Variants in GALNT9 observed in about 807,000 individuals in gnomAD.
GALNT9 encodes polypeptide N-acetylgalactosaminyltransferase 9.
A neutral mutation model predicts 63.1 loss-of-function variants in GALNT9; 47 were observed. That is an observed-to-expected ratio of 0.75 (90% CI 0.59 to 0.95). The LOEUF is 0.95. Ranked by LOEUF, GALNT9 falls within the 40% of genes least tolerant of loss-of-function variation. The pLI is 0.00. For synonymous variants in GALNT9, 396 were observed against 365.7 expected, an observed-to-expected ratio of 1.08 and a Z score of -0.94; for missense variants, 829 against 874.8, an observed-to-expected ratio of 0.95 and a Z score of 0.66.
intron 1 of GALNT9, among the ~76,000 whole-genome samples, chr12:132,320,497 T>C (rs1868734709): frequency 6.6e-6 from 1 of 152,254 alleles, no homozygotes; most frequent in Non-Finnish European, 1.5e-5. Flanking sequence ...ATTCGTTTCT[T>C]AAATAAGTGA....
intron 6 of GALNT9, among the ~76,000 whole-genome samples, chr12:132,223,031 T>TAC (rs1877527189): frequency 8.1e-5 from 1 of 12,276 alleles, no homozygotes; most frequent in African/African-American, 3.1e-4. Flanking sequence ...ACACAACCCG[T>TAC]ACCCCACACA....
intron 6 of GALNT9, 103 bp downstream of exon 6, chr12:132,247,807 C>T (rs368639673): frequency 6.7e-7 from 1 of 1,495,006 alleles, no homozygotes; most frequent in South Asian, 1.2e-5. Context: ...CTCGCCCTCA[C>T]CCCGTCCCCG....
In GALNT9 at chr12:132,252,048, G is replaced by A. The variant is rs557932321; in HGVS notation, c.960-4021C>T. ...TTAACTGGGATCCCAGGAATCCTCCGTGATGAGGATGGTCCCCAGCGTCTG... is the reference window on the plus strand; with the variant it reads ...TTAACTGGGATCCCAGGAATCCTCCATGATGAGGATGGTCCCCAGCGTCTG... On this transcript the variant is annotated intron_variant, in intron 5 of 10. Coordinates refer to ENST00000328957, the MANE Select transcript of GALNT9 (RefSeq NM_001122636.2). The surrounding 1 kb of genome is among the most constrained non-coding windows in gnomAD (Gnocchi z 5.2). 1.4e-4 allele frequency among the ~76,000 whole-genome samples: 21 copies of A among 152,358 alleles called. No homozygotes were observed. The South Asian group carries it at 4.3e-3, about 32-fold the overall frequency.
intron 2 of GALNT9, among the ~76,000 whole-genome samples, chr12:132,267,833 ACACATGCATACAACC>A (rs1879686817): frequency 4.7e-5 from 7 of 149,748 alleles, no homozygotes; most frequent in African/African-American, 1.7e-4. Flanking sequence ...ATGCAGTCAC[ACACATGCATACAACC>A]CACATGCACA....
At chr12:132,230,440 G>A (rs1877847621) in intron 6 of GALNT9, among the ~76,000 whole-genome samples, 2 of 152,234 alleles carry the variant, frequency 1.3e-5, no homozygotes, top group South Asian at 4.1e-4. Flanking sequence ...ACGGGCACCT[G>A]GCGTTCGCTG....
chr12:132,211,905 T>C (rs1284610225), intron 6 of GALNT9, among the ~76,000 whole-genome samples: 1 of 152,242 alleles, frequency 6.6e-6, no homozygotes, highest in Non-Finnish European at 1.5e-5. Context: ...CTGTGGCCCA[T>C]GTGACGGTTT....
chr12:132,260,601 C>T (rs1879339164), intron 4 of GALNT9, among the ~76,000 whole-genome samples: 1 of 152,226 alleles, frequency 6.6e-6, no homozygotes, highest in South Asian at 2.1e-4. Flanking sequence ...ACACACGGTA[C>T]CCGAGCCTGC....
At chr12:132,204,883 A>T (rs373922403) in intron 6 of GALNT9, among the ~76,000 whole-genome samples, 67 of 152,130 alleles carry the variant, frequency 4.4e-4, no homozygotes, top group African/African-American at 1.6e-3. Context: ...TGAGCCTGCC[A>T]TGCTGGACGA....
chr12:132,250,446 C>T (rs1878869654), intron 5 of GALNT9, among the ~76,000 whole-genome samples: 2 of 152,302 alleles, frequency 1.3e-5, no homozygotes, highest in Non-Finnish European at 1.5e-5. Context: ...ATATGAGTTT[C>T]ACCAATGGCC....
Position 132,310,895 on chromosome 12 carries a change from C to T in GALNT9, c.238+18071G>A, listed in dbSNP as rs28482032. Among the ~76,000 whole-genome samples the T allele has an allele frequency of 0.015, 2,221 of 152,256 alleles. 50 individuals carry two copies. Among genetic ancestry groups the T allele is most frequent in the African/African-American group, 0.05 (2,070 of 41,536 alleles). ...TTTTGGAGCCTCCGCCTGTCCACAG[C>T]CATCCTTCAGGGCACCCACTCTCCC... On this transcript the variant is annotated intron_variant, in intron 1 of 10. Transcript: ENST00000328957. The surrounding 1 kb of genome is among the most constrained non-coding windows in gnomAD (Gnocchi z 4.8).
At chr12:132,218,032 C>G (rs530131708) in intron 6 of GALNT9, among the ~76,000 whole-genome samples, 1 of 151,420 alleles carries the variant, frequency 6.6e-6, no homozygotes, top group South Asian at 2.1e-4. Context: ...ATCTATCCAT[C>G]CTCCCACCCA....
chr12:132,260,888 GA>G, intron 4 of GALNT9, 59 bp downstream of exon 4: 1 of 1,459,996 alleles, frequency 6.8e-7, no homozygotes. Flanking sequence ...GGCGGCTTAG[GA>G]GGGGGATGGT....
Position 132,203,494 on chromosome 12 carries a change from G to C in GALNT9, c.1263+11C>G, listed in dbSNP as rs563297228. On this transcript the variant is annotated intron_variant, in intron 7 of 10. Coordinates refer to ENST00000328957, the MANE Select transcript of GALNT9 (RefSeq NM_001122636.2). ...GGCATGGCCCCGGCTCCCGGCCTGT[G>C]GGGGACTCACCGACATGGGGATGTT... 6.8e-6 allele frequency: 11 copies of C among 1,612,976 alleles called. No individual in the cohort carries two copies. The South Asian group carries it at 1.1e-4, about 16-fold the overall frequency.
chr12:132,298,890 C>A (rs1317044466), intron 1 of GALNT9, among the ~76,000 whole-genome samples: 1 of 148,280 alleles, frequency 6.7e-6, no homozygotes, highest in Non-Finnish European at 1.5e-5. Context: ...CCTGAGATAA[C>A]CCACTCTCAT....
chr12:132,226,806 CCA>C (rs1355250878), intron 6 of GALNT9, among the ~76,000 whole-genome samples: 1 of 148,492 alleles, frequency 6.7e-6, no homozygotes, highest in Non-Finnish European at 1.5e-5. Context: ...ATATACACAC[CCA>C]CACACATCCC....
chr12:132,249,632 C>A (rs1217472828), intron 5 of GALNT9, among the ~76,000 whole-genome samples: 1 of 152,254 alleles, frequency 6.6e-6, no homozygotes, highest in South Asian at 2.1e-4. Context: ...CAACAACCAT[C>A]ATTTCAGGGT....
intron 1 of GALNT9, among the ~76,000 whole-genome samples, chr12:132,291,707 C>T (rs112258636): frequency 0.011 from 1,617 of 147,386 alleles, 31 homozygotes; most frequent in African/African-American, 0.037. Context: ...ACATCCATGG[C>T]GCACACATCC....
At chr12:132,243,567 G>C (rs185695256) in intron 6 of GALNT9, among the ~76,000 whole-genome samples, 2 of 152,154 alleles carry the variant, frequency 1.3e-5, no homozygotes, top group African/African-American at 2.4e-5. Context: ...ACGTCTCTTC[G>C]TCTGGCTCCC....
intron 2 of GALNT9, among the ~76,000 whole-genome samples, chr12:132,281,703 C>A (rs1880349829): frequency 6.6e-6 from 1 of 152,232 alleles, no homozygotes; most frequent in Non-Finnish European, 1.5e-5. Flanking sequence ...TTTCCTACAG[C>A]AGCGGCCACC....
Sources: allele counts gnomAD v4.1 joint callset (sites outside exome capture counted in the v4.1 genomes callset), GRCh38; gene constraint gnomAD v4.1.1; non-coding constraint Gnocchi (gnomAD v3.1); transcripts MANE v1.5; gene names NCBI Gene and HGNC (gene_info 2026-07-23, HGNC 2026-07-21).